The following FAM171A1 variants were observed in gnomAD, a reference collection of about 807,000 sequenced individuals.
FAM171A1 encodes the protein protein FAM171A1.
Under a neutral mutation model 74.9 loss-of-function variants are expected in FAM171A1, and 23 were observed. That is an observed-to-expected ratio of 0.31 (90% CI 0.22 to 0.44). The LOEUF is 0.44. FAM171A1 is among the 20% of genes least tolerant of loss of function. The pLI is 1.00. For missense variants in FAM171A1, 1,162 were observed against 1,159.2 expected (o/e 1.00, Z -0.03); for synonymous variants, 527 against 505.7 (o/e 1.04, Z -0.57).
chr10:15,332,123 T>C (rs1289189418), intron 1 of FAM171A1, among the ~76,000 whole-genome samples: 1 of 151,550 alleles, frequency 6.6e-6, no homozygotes, highest in Non-Finnish European at 1.5e-5. Flanking sequence ...CAGCTAATTT[T>C]TTGTATTTTT....
intron 3 of FAM171A1, among the ~76,000 whole-genome samples, chr10:15,266,675 G>C (rs1168284965): frequency 6.6e-6 from 1 of 151,930 alleles, no homozygotes; most frequent in East Asian, 1.9e-4. Context: ...AGACCAGCTT[G>C]GGCAACATAG....
intron 5 of FAM171A1, among the ~76,000 whole-genome samples, chr10:15,228,917 G>T (rs562686537): frequency 1.3e-5 from 2 of 152,178 alleles, no homozygotes; most frequent in Non-Finnish European, 2.9e-5. Flanking sequence ...TCTTTGTCAC[G>T]TAAACACTAA....
intron 1 of FAM171A1, among the ~76,000 whole-genome samples, chr10:15,286,605 A>G (rs1272829507): frequency 6.6e-6 from 1 of 152,116 alleles, no homozygotes; most frequent in Non-Finnish European, 1.5e-5. Flanking sequence ...CTTTATATCC[A>G]GAGCTCTATC....
intron 1 of FAM171A1, among the ~76,000 whole-genome samples, chr10:15,292,004 G>A (rs1288073425): frequency 6.6e-6 from 1 of 152,146 alleles, no homozygotes; most frequent in African/African-American, 2.4e-5. Flanking sequence ...CATAAACTGG[G>A]AAGCTAAAAA....
chr10:15,213,987 C>A lies in FAM171A1; in HGVS notation c.1601G>T (p.Arg534Leu). The A allele has an allele frequency of 6.2e-7, 1 of 1,614,140 alleles. No homozygotes were observed. Among genetic ancestry groups the A allele is most frequent in the Non-Finnish European group, 8.5e-7 (1 of 1,180,020 alleles). Reference sequence around the variant, plus strand: ...CGACATCATACATTCAGTGGGTCTGCGGTCCAGCAGCTGTTCTTTCTCAGG... The same window carrying A: ...CGACATCATACATTCAGTGGGTCTGAGGTCCAGCAGCTGTTCTTTCTCAGG... ...SSPEKEQLLD[R>L]RPTECMMSRS... The change falls in exon 8 of 8, where the codon CGC becomes CTC. Residue 534 changes from arginine to leucine, a missense_variant. Coordinates refer to ENST00000378116, the MANE Select transcript of FAM171A1 (RefSeq NM_001010924.2). This position sits in a 1 kb window ranked among gnomAD's most constrained non-coding sequence, Gnocchi z 6.8.
In FAM171A1 at chr10:15,213,294, T is replaced by C. The variant is rs201729496; in HGVS notation, c.2294A>G (p.Asn765Ser). 2 of 1,614,040 alleles carry C rather than the reference T, an allele frequency of 1.2e-6. No individual in the cohort carries two copies. Residue 765 changes from asparagine to serine, a missense_variant, in exon 8 of 8, where the codon AAC becomes AGC. Coordinates refer to ENST00000378116, the MANE Select transcript of FAM171A1 (RefSeq NM_001010924.2). This position sits in a 1 kb window ranked among gnomAD's most constrained non-coding sequence, Gnocchi z 6.8. The stretch of plus-strand genomic sequence containing the variant: ...CTGGTGCTCTTGGACGGGCGGGTAG[T>C]TCTGCTGCAGAGACAAAGCATCTCC... ...GRGDALSLQQ[N>S]YPPVQEHQQK... is the part of the protein sequence containing the mutation.
chr10:15,266,114 T>C (rs971986141), intron 3 of FAM171A1, among the ~76,000 whole-genome samples: 4 of 152,104 alleles, frequency 2.6e-5, no homozygotes, highest in Non-Finnish European at 4.4e-5. Context: ...CTGCTCCGAG[T>C]GTCTTCTTCT....
chr10:15,359,017 T>C (rs1835963621), intron 1 of FAM171A1, among the ~76,000 whole-genome samples: 1 of 152,166 alleles, frequency 6.6e-6, no homozygotes, highest in Non-Finnish European at 1.5e-5. Flanking sequence ...AGAGGGAGAA[T>C]GATATTTACG....
chr10:15,292,458 G>A (rs4748154), intron 1 of FAM171A1, among the ~76,000 whole-genome samples: 26,403 of 151,990 alleles, frequency 0.17, 2,375 homozygotes, highest in African/African-American at 0.19. Context: ...TATCATATTA[G>A]GTTATATTAT....
chr10:15,290,877 C>G (rs2131817097), intron 1 of FAM171A1, among the ~76,000 whole-genome samples: 1 of 152,216 alleles, frequency 6.6e-6, no homozygotes, highest in Non-Finnish European at 1.5e-5. Flanking sequence ...GATGAGGGGT[C>G]TGGGCCACCC....
At chr10:15,214,647 C>A in intron 7 of FAM171A1, 46 bp from the exon 8 acceptor site, 2 of 1,498,230 alleles carry the variant, frequency 1.3e-6, no homozygotes, top group Middle Eastern at 3.6e-4. Context: ...GTGATTCTCA[C>A]AATGAAAAAG....
chr10:15,360,037 C>T (rs958584735), intron 1 of FAM171A1, among the ~76,000 whole-genome samples: 9 of 152,290 alleles, frequency 5.9e-5, no homozygotes, highest in African/African-American at 2.2e-4. Context: ...CAGGCTCAAG[C>T]GATCCTTCCA....
intron 1 of FAM171A1, among the ~76,000 whole-genome samples, chr10:15,346,903 G>A (rs1374415901): frequency 6.6e-6 from 1 of 152,142 alleles, no homozygotes; most frequent in Non-Finnish European, 1.5e-5. Flanking sequence ...CTTTAGCAGT[G>A]CCCGAGCCAC....
chr10:15,315,035 C>A (rs1418233174), intron 1 of FAM171A1, among the ~76,000 whole-genome samples: 1 of 152,214 alleles, frequency 6.6e-6, no homozygotes, highest in African/African-American at 2.4e-5. Flanking sequence ...ACCCTCAGGC[C>A]TTTTTATTAT....
At chr10:15,332,716 C>G (rs542699901) in intron 1 of FAM171A1, among the ~76,000 whole-genome samples, 1 of 152,302 alleles carries the variant, frequency 6.6e-6, no homozygotes, top group African/African-American at 2.4e-5. Context: ...TGCAACTGTT[C>G]TGTTCCATTA....
intron 1 of FAM171A1, among the ~76,000 whole-genome samples, chr10:15,336,314 G>GT: frequency 5.0e-5 from 1 of 19,964 alleles, no homozygotes; most frequent in Middle Eastern, 0.029. Flanking sequence ...AAAAGACCCA[G>GT]ATTTTTTTTT....
At chr10:15,351,594 T>TGGATGGATGGAC (rs1233482481) in intron 1 of FAM171A1, among the ~76,000 whole-genome samples, 16 of 50,704 alleles carry the variant, frequency 3.2e-4, no homozygotes, top group Non-Finnish European at 5.7e-4. Context: ...GATGGATGGA[T>TGGATGGATGGAC]GCATGGATGG....
At chr10:15,274,729 C>G (rs181805619) in intron 3 of FAM171A1, among the ~76,000 whole-genome samples, 1 of 152,276 alleles carries the variant, frequency 6.6e-6, no homozygotes, top group Admixed American at 6.5e-5. Flanking sequence ...AGAAATAATA[C>G]CACACATCTA....
intron 1 of FAM171A1, among the ~76,000 whole-genome samples, chr10:15,284,705 G>A (rs940917027): frequency 6.6e-6 from 1 of 152,120 alleles, no homozygotes; most frequent in Non-Finnish European, 1.5e-5. Flanking sequence ...GTGCCCCACC[G>A]TGCCCAGACA....
Sources: allele counts gnomAD v4.1 joint callset (sites outside exome capture counted in the v4.1 genomes callset), GRCh38; gene constraint gnomAD v4.1.1; non-coding constraint Gnocchi (gnomAD v3.1); transcripts MANE v1.5; gene names NCBI Gene and HGNC (gene_info 2026-07-23, HGNC 2026-07-21).